The following POU2F2 variants were observed in gnomAD, a reference collection of about 807,000 sequenced individuals.
The protein encoded by POU2F2 is POU class 2 homeobox 2.
A neutral mutation model predicts 63.5 loss-of-function variants in POU2F2; 14 were observed. The ratio of observed to expected loss-of-function variants is 0.22; its 90% confidence interval spans 0.15 to 0.34. The LOEUF is 0.34. Ranked by LOEUF, POU2F2 falls within the 10% of genes least tolerant of loss-of-function variation. The pLI is 1.00. For synonymous variants in POU2F2, 306 were observed against 348.6 expected, an observed-to-expected ratio of 0.88 and a Z score of 1.36; for missense variants, 607 against 815.2, an observed-to-expected ratio of 0.74 and a Z score of 3.11.
chr19:42,174,708 C>T (rs554853754), intron 1 of POU2F2, among the ~76,000 whole-genome samples: 2 of 152,166 alleles, frequency 1.3e-5, no homozygotes, highest in South Asian at 2.1e-4. Context: ...TGCATGCTGC[C>T]GTCATGGTCT....
intron 5 of POU2F2, among the ~76,000 whole-genome samples, chr19:42,109,956 TAAAAA>T (rs1442980864): frequency 2.0e-5 from 3 of 152,162 alleles, no homozygotes; most frequent in Non-Finnish European, 4.4e-5. Context: ...ATTTGCTACT[TAAAAA>T]TAAAATAAAA....
In POU2F2 at chr19:42,169,936, C is replaced by T. The variant is rs753448778; in HGVS notation, c.-70+6027G>A. Reference sequence around the variant, plus strand: ...GATGGGGAGGGGGCCGGGGTGTCAGCGAGCTCCTGTGTCACAAGGTTAATT... The same window carrying T: ...GATGGGGAGGGGGCCGGGGTGTCAGTGAGCTCCTGTGTCACAAGGTTAATT... On this transcript the variant is annotated intron_variant, in intron 1 of 6. Coordinates refer to the POU2F2 transcript ENST00000524801. The surrounding 1 kb of genome is among the most constrained non-coding windows in gnomAD (Gnocchi z 4.3). Among the ~76,000 whole-genome samples, 6 of 151,998 alleles carry T rather than the reference C, an allele frequency of 3.9e-5. No homozygotes were observed. The highest frequency in any genetic ancestry group is 5.9e-5 in the Non-Finnish European group (4 of 68,002).
chr19:42,188,393 G>A (rs1385963249), intron 1 of POU2F2, among the ~76,000 whole-genome samples: 2 of 151,288 alleles, frequency 1.3e-5, no homozygotes, highest in South Asian at 2.1e-4. Flanking sequence ...AAAAAGGGCC[G>A]GGTGCAGAGG....
intron 1 of POU2F2, among the ~76,000 whole-genome samples, chr19:42,181,952 T>C (rs1347016270): frequency 6.6e-6 from 1 of 152,138 alleles, no homozygotes; most frequent in African/African-American, 2.4e-5. Flanking sequence ...TCTGTGGCCA[T>C]GTGTGTGCGT....
intron 2 of POU2F2, among the ~76,000 whole-genome samples, chr19:42,146,559 A>G (rs1197521707): frequency 6.6e-6 from 1 of 152,190 alleles, no homozygotes; most frequent in Non-Finnish European, 1.5e-5. Context: ...GCTCATACAG[A>G]AAGACCAGCT....
chr19:42,153,000 A>G lies in POU2F2; in HGVS notation c.-9+7332T>C, dbSNP rs1301705608. On this transcript the variant is annotated intron_variant, in intron 2 of 6. Transcript: ENST00000524801. This position sits in a 1 kb window ranked among gnomAD's most constrained non-coding sequence, Gnocchi z 4.1. ...ATGGACACAAAGAACAGTGGGGCGA[A>G]CCCTCAGGCCGGCCTGCGCCCACCC... is the stretch of plus-strand genomic sequence containing the variant. 6.6e-6 allele frequency among the ~76,000 whole-genome samples: 1 copy of G among 151,930 alleles called. No homozygotes were observed. The highest frequency in any genetic ancestry group is 1.5e-5 in the Non-Finnish European group (1 of 67,966).
intron 2 of POU2F2, among the ~76,000 whole-genome samples, chr19:42,151,269 G>T (rs1190713425): frequency 6.6e-6 from 1 of 150,958 alleles, no homozygotes. Context: ...GGTACTCAGG[G>T]AAGCGGGGAG....
intron 14 of POU2F2, 21 bp downstream of exon 14, chr19:42,091,846 G>A (rs748682717): frequency 3.9e-6 from 6 of 1,539,158 alleles, no homozygotes; most frequent in East Asian, 4.9e-5. Flanking sequence ...GACGATGGGT[G>A]TGACATGAGG....
intron 5 of POU2F2, among the ~76,000 whole-genome samples, chr19:42,101,749 G>T (rs938549545): frequency 6.6e-6 from 1 of 151,868 alleles, no homozygotes; most frequent in Non-Finnish European, 1.5e-5. Flanking sequence ...AGGCTGAGGC[G>T]GGAGGATCAC....
chr19:42,132,167 G>C (rs1346331919), intron 1 of POU2F2, among the ~76,000 whole-genome samples: 8 of 152,214 alleles, frequency 5.3e-5, no homozygotes, highest in Non-Finnish European at 8.8e-5. Flanking sequence ...ACAGAGAAGA[G>C]AAGATGTTGG....
intron 5 of POU2F2, among the ~76,000 whole-genome samples, chr19:42,100,758 A>G (rs777141617): frequency 3.9e-5 from 6 of 151,916 alleles, no homozygotes; most frequent in Non-Finnish European, 7.4e-5. Flanking sequence ...CTCAAAAATA[A>G]ATAAATAAAT....
chr19:42,194,026 A>G (rs1040498585), intron 1 of POU2F2, among the ~76,000 whole-genome samples: 1 of 152,238 alleles, frequency 6.6e-6, no homozygotes, highest in East Asian at 1.9e-4. Flanking sequence ...AACATATGGT[A>G]TGATTCCATT....
chr19:42,160,605 C>T, intron 1 of POU2F2, among the ~76,000 whole-genome samples: 1 of 152,216 alleles, frequency 6.6e-6, no homozygotes, highest in East Asian at 1.9e-4. Context: ...GTGTCCCCAA[C>T]TCATAAATGG....
chr19:42,131,641 C>G (rs1232070769), intron 1 of POU2F2, among the ~76,000 whole-genome samples: 1 of 152,252 alleles, frequency 6.6e-6, no homozygotes, highest in African/African-American at 2.4e-5. Flanking sequence ...AATGTTCACT[C>G]AGCCAACTGA....
chr19:42,178,101 A>G (rs2034917675), upstream of POU2F2, among the ~76,000 whole-genome samples: 1 of 152,094 alleles, frequency 6.6e-6, no homozygotes. Flanking sequence ...AGGCAGAGAG[A>G]TGTCCAGAGA....
chr19:42,118,075 C>A (rs1390228534), intron 4 of POU2F2, among the ~76,000 whole-genome samples: 1 of 152,130 alleles, frequency 6.6e-6, no homozygotes, highest in Non-Finnish European at 1.5e-5. Flanking sequence ...CAGGTGCCCA[C>A]CACACACCTG....
At chr19:42,097,495 CTTTT>C (rs565786464) in intron 7 of POU2F2, among the ~76,000 whole-genome samples, 2 of 136,346 alleles carry the variant, frequency 1.5e-5, no homozygotes, top group Admixed American at 7.3e-5. Flanking sequence ...TGCGCCCTGC[CTTTT>C]TTTTTTTTTT....
At chr19:42,191,432 T>TCAGACCTA (rs2035074390) in intron 1 of POU2F2, among the ~76,000 whole-genome samples, 2 of 152,204 alleles carry the variant, frequency 1.3e-5, no homozygotes, top group East Asian at 3.8e-4. Flanking sequence ...CCTCACTCCT[T>TCAGACCTA]CAGACCTAAG....
intron 2 of POU2F2, among the ~76,000 whole-genome samples, chr19:42,154,037 A>G (rs1281556380): frequency 6.6e-6 from 1 of 150,862 alleles, no homozygotes; most frequent in Non-Finnish European, 1.5e-5. Context: ...GCTTTGGTGG[A>G]TGCCACCTCA....
Sources: gnomAD v4.1 joint callset for allele counts (sites outside exome capture counted in the v4.1 genomes callset) on GRCh38, gnomAD v4.1.1 for gene constraint, Gnocchi (gnomAD v3.1) non-coding constraint, MANE v1.5 for transcripts, NCBI Gene and HGNC (gene_info 2026-07-23, HGNC 2026-07-21) for gene names.